The following SGCZ variants were observed in gnomAD, a reference collection of about 807,000 sequenced individuals.
SGCZ encodes the protein sarcoglycan zeta.
Under a neutral mutation model 41.3 loss-of-function variants are expected in SGCZ, and 40 were observed. The observed-to-expected ratio is 0.97, with a 90% CI of 0.75 to 1.26. The LOEUF (loss-of-function observed/expected upper bound fraction) is 1.26. SGCZ is among the 50% of genes most tolerant of loss of function. The probability of loss-of-function intolerance (pLI) is 0.00; values close to 1 mark genes in which losing one functional copy is unlikely to be tolerated. For missense variants in SGCZ, 552 were observed against 369.8 expected, an observed-to-expected ratio of 1.49 and a Z score of -4.04; for synonymous variants, 206 against 137.5, an observed-to-expected ratio of 1.50 and a Z score of -3.49.
intron 1 of SGCZ, among the ~76,000 whole-genome samples, chr8:14,833,962 G>A (rs979874387): frequency 2.6e-5 from 4 of 152,080 alleles, no homozygotes; most frequent in Admixed American, 2.6e-4. Flanking sequence ...GAAATATTGT[G>A]GAAGCTACTT....
At chr8:14,501,882 T>C (rs1242960945) in intron 2 of SGCZ, among the ~76,000 whole-genome samples, 1 of 152,136 alleles carries the variant, frequency 6.6e-6, no homozygotes, top group Admixed American at 6.6e-5. Context: ...ATAATATCTT[T>C]TTATTGGTAA....
intron 7 of SGCZ, among the ~76,000 whole-genome samples, chr8:14,100,429 A>ATGTT (rs1158071337): frequency 6.6e-6 from 1 of 150,562 alleles, no homozygotes; most frequent in African/African-American, 2.4e-5. Context: ...AGAATGCAAG[A>ATGTT]TGTTTAAGAA....
chr8:15,173,400 C>A (rs1350623380), intron 1 of SGCZ, among the ~76,000 whole-genome samples: 2 of 152,120 alleles, frequency 1.3e-5, no homozygotes, highest in Non-Finnish European at 2.9e-5. Flanking sequence ...GATGATAGCA[C>A]CATTTATGAC....
chr8:14,561,081 C>G (rs1206084196), intron 1 of SGCZ, among the ~76,000 whole-genome samples: 1 of 152,012 alleles, frequency 6.6e-6, no homozygotes, highest in Non-Finnish European at 1.5e-5. Flanking sequence ...TTCAAGATCA[C>G]AAAAGCTTTC....
At chr8:14,708,492 C>T (rs1426377226) in intron 1 of SGCZ, among the ~76,000 whole-genome samples, 1 of 151,466 alleles carries the variant, frequency 6.6e-6, no homozygotes, top group Non-Finnish European at 1.5e-5. Context: ...CAGCAATAAA[C>T]ATTCAGATAC....
intron 2 of SGCZ, among the ~76,000 whole-genome samples, chr8:14,384,550 G>C (rs1053438066): frequency 1.3e-5 from 2 of 151,962 alleles, no homozygotes; most frequent in African/African-American, 4.8e-5. Context: ...CTTGTATTAT[G>C]ATTACTTTAT....
intron 1 of SGCZ, among the ~76,000 whole-genome samples, chr8:15,184,305 A>C (rs1315454297): frequency 1.3e-5 from 2 of 152,204 alleles, no homozygotes; most frequent in African/African-American, 4.8e-5. Context: ...AACACGGTGC[A>C]TGTTAGTTGT....
chr8:14,977,136 GAC>G (rs967662852), intron 1 of SGCZ, among the ~76,000 whole-genome samples: 8 of 152,142 alleles, frequency 5.3e-5, no homozygotes, highest in African/African-American at 1.9e-4. Context: ...CAGTTTCCCT[GAC>G]AGACTGGTAT....
intron 1 of SGCZ, among the ~76,000 whole-genome samples, chr8:14,905,799 GA>G (rs142079114): frequency 1.9e-4 from 26 of 139,136 alleles, no homozygotes; most frequent in African/African-American, 4.8e-4. Context: ...GACAAAATAA[GA>G]AAAAAAAAAG....
chr8:14,568,317 T>C (rs1398954473), intron 1 of SGCZ, among the ~76,000 whole-genome samples: 1 of 151,288 alleles, frequency 6.6e-6, no homozygotes, highest in African/African-American at 2.4e-5. Flanking sequence ...GGTTGATAGG[T>C]GCAGCAAACC....
intron 1 of SGCZ, among the ~76,000 whole-genome samples, chr8:14,807,231 G>A (rs1275519431): frequency 1.3e-5 from 2 of 152,124 alleles, no homozygotes; most frequent in Non-Finnish European, 1.5e-5. Flanking sequence ...TCTGGCCAGG[G>A]CAATTAGGCA....
chr8:15,225,703 G>T (rs1319037081), intron 1 of SGCZ, among the ~76,000 whole-genome samples: 2 of 152,176 alleles, frequency 1.3e-5, no homozygotes, highest in African/African-American at 4.8e-5. Context: ...AAATCTGAAA[G>T]TATGGGATGT....
At chr8:15,052,425 G>C (rs58994178) in intron 1 of SGCZ, among the ~76,000 whole-genome samples, 14 of 152,286 alleles carry the variant, frequency 9.2e-5, no homozygotes, top group African/African-American at 3.4e-4. Flanking sequence ...TCATGCAAAG[G>C]TTAGGACAGA....
chr8:14,657,947 T>A (rs768986069), intron 1 of SGCZ, among the ~76,000 whole-genome samples: 4 of 152,208 alleles, frequency 2.6e-5, no homozygotes, highest in Non-Finnish European at 5.9e-5. Context: ...TCTAAGGAAT[T>A]TGAATCACAG....
At chr8:14,299,247 T>G (rs376739510) in intron 3 of SGCZ, among the ~76,000 whole-genome samples, 1 of 151,966 alleles carries the variant, frequency 6.6e-6, no homozygotes, top group Non-Finnish European at 1.5e-5. Context: ...AGAAAATATT[T>G]ACAAATTTCA....
At chr8:14,483,323 A>T (rs1169295559) in intron 2 of SGCZ, among the ~76,000 whole-genome samples, 1 of 152,212 alleles carries the variant, frequency 6.6e-6, no homozygotes, top group Non-Finnish European at 1.5e-5. Context: ...TAATCCCAAC[A>T]CTTTGGGAGG....
chr8:14,471,620 C>T (rs927389700), intron 2 of SGCZ, among the ~76,000 whole-genome samples: 1 of 151,986 alleles, frequency 6.6e-6, no homozygotes, highest in Non-Finnish European at 1.5e-5. Flanking sequence ...TACCAACTCC[C>T]TGGAAAAGTA....
intron 2 of SGCZ, among the ~76,000 whole-genome samples, chr8:14,542,630 C>G (rs1223694500): frequency 6.6e-6 from 1 of 152,074 alleles, no homozygotes; most frequent in Admixed American, 6.6e-5. Flanking sequence ...ATTGTGGACT[C>G]TCTTAAACCA....
intron 1 of SGCZ, among the ~76,000 whole-genome samples, chr8:14,621,261 G>A (rs1806275410): frequency 7.4e-6 from 1 of 135,452 alleles, no homozygotes; most frequent in African/African-American, 2.8e-5. Flanking sequence ...CACAGGAAGG[G>A]GAACATCACA....
Sources: allele counts gnomAD v4.1 joint callset (sites outside exome capture counted in the v4.1 genomes callset), GRCh38; gene constraint gnomAD v4.1.1; transcripts MANE v1.5; gene names NCBI Gene and HGNC (gene_info 2026-07-23, HGNC 2026-07-21).